Variants in SLC19A1 observed in about 807,000 individuals in gnomAD.
SLC19A1 encodes solute carrier family 19 member 1, also known as reduced folate transporter.
In SLC19A1, 37 loss-of-function variants were observed where a neutral mutation model predicts 35.3. The ratio of observed to expected loss-of-function variants is 1.05; its 90% CI spans 0.81 to 1.38. The LOEUF is 1.38. Ranked by LOEUF, SLC19A1 falls within the 40% of genes most tolerant of loss-of-function variation. The pLI is 0.00. For synonymous variants in SLC19A1, 460 were observed against 398.5 expected (o/e 1.15, Z -1.84); for missense variants, 831 against 826.9 (o/e 1.00, Z -0.06).
At chr21:45,529,792 CATCT>C (rs2077791898) in intron 4 of SLC19A1, among the ~76,000 whole-genome samples, 1 of 146,364 alleles carries the variant, frequency 6.8e-6, no homozygotes, top group Non-Finnish European at 1.5e-5. Context: ...GTGGTGTATC[CATCT>C]GTGAGTGTGT....
chr21:45,512,465 G>A, downstream of SLC19A1: 3 of 1,513,278 alleles, frequency 2.0e-6, no homozygotes, highest in Non-Finnish European at 2.7e-6. Flanking sequence ...CGTGGGCAGG[G>A]AGCGGCCGGC....
Position 45,516,031 on chromosome 21 carries a change from G to C in SLC19A1, c.1403C>G (p.Pro468Arg), listed in dbSNP as rs748603200. The change falls in exon 6 of 6, where the codon CCG (proline) becomes CGG (arginine). Residue 468 changes from proline (P) to arginine (R), a missense_variant. Pro to Arg is a moderately radical substitution (Grantham distance 103). Transcript: ENST00000311124. The part of the protein sequence containing the change: ...CQRGHHPRQP[P>R]AQGLRSAAEE... ...CGCGGCACTCCTCAGGCCCTGGGCCGGGGGCTGCCGCGGGTGGTGGCCCCG... is the reference window on the plus strand; with the variant it reads ...CGCGGCACTCCTCAGGCCCTGGGCCCGGGGCTGCCGCGGGTGGTGGCCCCG... 2 of 1,579,702 alleles carry C rather than the reference G, an allele frequency of 1.3e-6. No individual in the cohort carries two copies. Among genetic ancestry groups the C allele is most frequent in the Non-Finnish European group, 1.7e-6 (2 of 1,164,194 alleles).
intron 1 of SLC19A1, among the ~76,000 whole-genome samples, chr21:45,562,129 C>A (rs1261220296): frequency 1.1e-3 from 137 of 121,448 alleles, no homozygotes; most frequent in Middle Eastern, 4.4e-3. Context: ...GACTCTGTCT[C>A]AAAAAAAAAA....
At position 45,550,685 on chromosome 21, in the gene SLC19A1, C is replaced by T. The variant is rs543910884; in HGVS notation, c.-50+12057G>A. Among the ~76,000 whole-genome samples the T allele has an allele frequency of 9.8e-5, 15 of 152,316 alleles. No homozygotes were observed. In the South Asian group the frequency reaches 2.1e-3, roughly 21 times the overall value. On this transcript the variant is annotated intron_variant, in intron 1 of 5. Coordinates refer to the SLC19A1 transcript ENST00000650808. ...TGGTTTTGTTGCATGCAGATTTCGT[C>T]GTCTTCTTCTGAATGTTTCAGTATT... is the stretch of plus-strand genomic sequence containing the variant.
intron 1 of SLC19A1, among the ~76,000 whole-genome samples, chr21:45,559,229 A>G (rs1291530666): frequency 6.6e-6 from 1 of 152,226 alleles, no homozygotes; most frequent in Non-Finnish European, 1.5e-5. Context: ...TTTAAGTCAA[A>G]AAGCACCATG....
intron 3 of SLC19A1, among the ~76,000 whole-genome samples, chr21:45,503,551 C>T (rs2069189842): frequency 6.7e-6 from 1 of 149,204 alleles, no homozygotes; most frequent in Admixed American, 6.8e-5. Context: ...AAACCAAACA[C>T]CGCATATTCT....
Position 45,531,891 on chromosome 21 carries a change from G to T in SLC19A1, c.447C>A (p.Tyr149Ter), listed in dbSNP as rs1432149538. 6.3e-7 allele frequency: 1 copy of T among 1,587,566 alleles called. No homozygotes were observed. The highest frequency in any genetic ancestry group is 2.3e-5 in the East Asian group (1 of 43,030). ...CGCGCGAGTAGCCGGCCACACGCTG[G>T]TAGCGCGCGGGCCGCACGAGAGAGA... ...YIFSLVRPAR[Y>*]QRVAGYSRAA... is the part of the protein sequence containing the mutation. Residue 149 changes from tyrosine (Y) to a stop codon, truncating the protein, a stop_gained, in exon 3 of 6, where the codon TAC becomes TAA. Transcript: ENST00000311124. LOFTEE classifies it high-confidence loss of function.
At chr21:45,504,368 G>A in intron 3 of SLC19A1, 1 of 1,589,552 alleles carries the variant, frequency 6.3e-7, no homozygotes. Context: ...GCCACCTGTG[G>A]CTTGTAGGGG....
At chr21:45,541,916 C>T (rs1449191345) in intron 1 of SLC19A1, 1 of 152,294 alleles carries the variant, frequency 6.6e-6, no homozygotes, top group African/African-American at 2.4e-5. Flanking sequence ...GGACTCCCCA[C>T]CCCATTCGCA....
Position 45,525,860 on chromosome 21 carries a change from A to G in SLC19A1, c.1250T>C (p.Ile417Thr), listed in dbSNP as rs138047632. 2.5e-3 allele frequency: 4,073 copies of G among 1,613,508 alleles called. 5 individuals are homozygous for G. Among genetic ancestry groups the G allele is most frequent in the Non-Finnish European group, 2.6e-3 (3,125 of 1,179,954 alleles). The change falls in exon 5 of 6, where the codon ATT becomes ACT. Residue 417 changes from isoleucine (I) to threonine (T), a missense_variant. Transcript: ENST00000311124. ...GCCCAGGCCCCGCACGTCCGAGACA[A>G]TGAAAGTGATGATGGTCTTGACGAT... ...ATIVKTIITF[I>T]VSDVRGLGLP...
chr21:45,509,347 C>A (rs778256556), downstream of SLC19A1: 2 of 1,545,226 alleles, frequency 1.3e-6, no homozygotes, highest in East Asian at 2.4e-5. Context: ...CCACGTCTCC[C>A]ACCTGCAGGA....
intron 1 of SLC19A1, among the ~76,000 whole-genome samples, chr21:45,562,422 G>A (rs976241724): frequency 6.6e-6 from 1 of 152,176 alleles, no homozygotes; most frequent in African/African-American, 2.4e-5. Context: ...CTAACAGCCT[G>A]GGAGGAACAG....
chr21:45,525,549 ACAGCTCCGCCGTGGCGAGCAGAGGCT>A (rs1183510438), intron 5 of SLC19A1, among the ~76,000 whole-genome samples: 1 of 152,230 alleles, frequency 6.6e-6, no homozygotes, highest in Non-Finnish European at 1.5e-5. Context: ...GGAGACAAGG[ACAGCTCCGCCGTGGCGAGCAGAGGCT>A]CAGCTGCTCC....
intron 3 of SLC19A1, 42 bp from the exon 4 acceptor site, chr21:45,531,013 C>A: frequency 7.3e-7 from 1 of 1,362,170 alleles, no homozygotes; most frequent in African/African-American, 1.6e-5. Flanking sequence ...CCCTGGGGGG[C>A]CACGGGGCAG....
At chr21:45,528,317 G>A (rs1021213809) in intron 4 of SLC19A1, among the ~76,000 whole-genome samples, 1 of 152,204 alleles carries the variant, frequency 6.6e-6, no homozygotes, top group Non-Finnish European at 1.5e-5. Context: ...GCAGACGAGT[G>A]TGGGGCGTGA....
Position 45,540,154 on chromosome 21 carries a change from G to A in SLC19A1, c.-49-2146C>T, listed in dbSNP as rs374872108. On this transcript the variant is annotated intron_variant, in intron 1 of 5. Coordinates refer to ENST00000311124, the MANE Select transcript of SLC19A1 (RefSeq NM_194255.4). This position sits in a 1 kb window ranked among gnomAD's most constrained non-coding sequence, Gnocchi z 5.5. ...GGACCCTGATGCCCAGAGAGGCCACGGGTAGAGCTGGACATACCTCAGACC... is the reference window on the plus strand; with the variant it reads ...GGACCCTGATGCCCAGAGAGGCCACAGGTAGAGCTGGACATACCTCAGACC... 2.3e-4 allele frequency among the ~76,000 whole-genome samples: 35 copies of A among 152,238 alleles called. No individual in the cohort carries two copies. The South Asian group carries it at 5.4e-3, about 23-fold the overall frequency.
chr21:45,539,608 T>C (rs2078240466), intron 1 of SLC19A1, among the ~76,000 whole-genome samples: 1 of 152,126 alleles, frequency 6.6e-6, no homozygotes, highest in Non-Finnish European at 1.5e-5. Context: ...CCACTCAGGC[T>C]GGAAGTGCTC....
intron 3 of SLC19A1, chr21:45,503,838 CA>C (rs1281177225): frequency 4.4e-6 from 2 of 457,484 alleles, no homozygotes; most frequent in East Asian, 7.2e-5. Flanking sequence ...GCACCATTAA[CA>C]AAAACATCAG....
At chr21:45,505,617 C>G (rs1377008374) in intron 3 of SLC19A1, among the ~76,000 whole-genome samples, 1 of 152,170 alleles carries the variant, frequency 6.6e-6, no homozygotes, top group Non-Finnish European at 1.5e-5. Flanking sequence ...AGGACGACCA[C>G]CAGCCGGGAA....
Sources: allele counts gnomAD v4.1 joint callset (sites outside exome capture counted in the v4.1 genomes callset), GRCh38; gene constraint gnomAD v4.1.1; non-coding constraint Gnocchi (gnomAD v3.1); transcripts MANE v1.5; gene names NCBI Gene and HGNC (gene_info 2026-07-23, HGNC 2026-07-21).